Variants in RANBP2 observed in about 807,000 individuals in gnomAD.
RANBP2 encodes the protein E3 SUMO-protein ligase RanBP2.
A neutral mutation model predicts 303.6 loss-of-function variants in RANBP2; 57 were observed. That is an observed-to-expected ratio of 0.19 (90% CI 0.15 to 0.23). The LOEUF is 0.23. RANBP2 is among the 10% of genes least tolerant of loss of function. The pLI is 1.00. For missense variants in RANBP2, 3,138 were observed against 3,780.8 expected (o/e 0.83, Z 4.46); for synonymous variants, 1,167 against 1,301.5 (o/e 0.90, Z 2.23).
At chr2:108,923,216 T>C in the RANBP2 span, 1 of 775,724 alleles carries the variant, frequency 1.3e-6, no homozygotes, top group East Asian at 2.6e-5. Flanking sequence ...TTCATAGACC[T>C]GCCTGGACAG....
At chr2:108,783,333 TAAAAAA>T (rs71381992) in intron 28 of RANBP2, among the ~76,000 whole-genome samples, 616 of 41,404 alleles carry the variant, frequency 0.015, 7 homozygotes, top group African/African-American at 0.062. Flanking sequence ...AGCCTGTCAT[TAAAAAA>T]AAAAAAAAAA....
the RANBP2 span, among the ~76,000 whole-genome samples, chr2:108,817,308 T>C: frequency 6.6e-6 from 1 of 151,974 alleles, no homozygotes; most frequent in Admixed American, 6.6e-5. Context: ...TCTTTTTTTT[T>C]TTTGAGGCGG....
chr2:109,387,988 G>A, the RANBP2 span, among the ~76,000 whole-genome samples: 2 of 152,030 alleles, frequency 1.3e-5, no homozygotes, highest in African/African-American at 4.8e-5. Context: ...GGACTCCTCG[G>A]TCCCTGTTCA....
At chr2:108,916,176 CAA>C in the RANBP2 span, among the ~76,000 whole-genome samples, 3 of 152,264 alleles carry the variant, frequency 2.0e-5, no homozygotes, top group Non-Finnish European at 2.9e-5. Context: ...TAAGAGCAAA[CAA>C]GAGATTGAAA....
At chr2:109,028,826 G>A in the RANBP2 span, among the ~76,000 whole-genome samples, 1 of 152,220 alleles carries the variant, frequency 6.6e-6, no homozygotes, top group Admixed American at 6.5e-5. Flanking sequence ...GTCTTCCAGA[G>A]CAGCCTCACA....
the RANBP2 span, among the ~76,000 whole-genome samples, chr2:109,680,222 G>A: frequency 9.3e-5 from 14 of 150,234 alleles, no homozygotes; most frequent in African/African-American, 1.5e-4. Context: ...GCATGGTGGC[G>A]GGCACCTGTA....
At chr2:108,856,698 GT>G in the RANBP2 span, 5 of 1,144,600 alleles carry the variant, frequency 4.4e-6, no homozygotes, top group Non-Finnish European at 6.3e-6. Context: ...TGTCTTTTGA[GT>G]TTGTTAAAGT....
At chr2:108,941,165 C>G in the RANBP2 span, among the ~76,000 whole-genome samples, 1 of 152,206 alleles carries the variant, frequency 6.6e-6, no homozygotes, top group East Asian at 1.9e-4. Flanking sequence ...GGAATTAGGA[C>G]TTTAGTCCTT....
intron 20 of RANBP2, among the ~76,000 whole-genome samples, chr2:108,771,278 A>G (rs974924575): frequency 2.0e-5 from 3 of 151,610 alleles, no homozygotes; most frequent in Non-Finnish European, 4.4e-5. Context: ...GATTAGTTTC[A>G]TATGTATAGT....
At chr2:109,001,540 A>C in the RANBP2 span, among the ~76,000 whole-genome samples, 1 of 152,206 alleles carries the variant, frequency 6.6e-6, no homozygotes, top group Non-Finnish European at 1.5e-5. Flanking sequence ...TGCCTGTAAA[A>C]GTGGGCATAC....
chr2:109,350,378 C>G, the RANBP2 span, among the ~76,000 whole-genome samples: 2 of 152,122 alleles, frequency 1.3e-5, no homozygotes, highest in African/African-American at 2.4e-5. Flanking sequence ...ATCACAGATT[C>G]TTTGTTCAAG....
downstream of RANBP2, chr2:108,788,912 G>A (rs1193413673): frequency 1.2e-6 from 2 of 1,614,126 alleles, no homozygotes; most frequent in Non-Finnish European, 1.7e-6. Flanking sequence ...TCTGATGAAA[G>A]CAAGCATTGT....
At chr2:109,153,473 A>T in the RANBP2 span, among the ~76,000 whole-genome samples, 1 of 152,222 alleles carries the variant, frequency 6.6e-6, no homozygotes, top group Non-Finnish European at 1.5e-5. Context: ...AGGACATGAA[A>T]TAACTGAAAC....
the RANBP2 span, among the ~76,000 whole-genome samples, chr2:109,140,466 T>A: frequency 6.6e-6 from 1 of 152,112 alleles, no homozygotes; most frequent in Admixed American, 6.6e-5. Context: ...CTGCAGGCTC[T>A]GCCTCCCAGG....
At chr2:109,350,898 G>C in the RANBP2 span, among the ~76,000 whole-genome samples, 1 of 152,178 alleles carries the variant, frequency 6.6e-6, no homozygotes, top group East Asian at 1.9e-4. Context: ...AAGCTACAAT[G>C]GTATAACCTG....
the RANBP2 span, among the ~76,000 whole-genome samples, chr2:108,928,412 TG>T: frequency 6.6e-6 from 1 of 152,114 alleles, no homozygotes; most frequent in African/African-American, 2.4e-5. Flanking sequence ...CACTAAGCTG[TG>T]GTCACCTCCC....
chr2:109,165,450 T>G, the RANBP2 span, among the ~76,000 whole-genome samples: 1 of 151,942 alleles, frequency 6.6e-6, no homozygotes, highest in Non-Finnish European at 1.5e-5. Context: ...AAAGTTAAGT[T>G]TGGATGGAAG....
chr2:108,771,335 T>C (rs892882307), intron 20 of RANBP2, among the ~76,000 whole-genome samples: 30 of 152,186 alleles, frequency 2.0e-4, no homozygotes, highest in Admixed American at 1.6e-3. Context: ...TGCAAATGCA[T>C]GGATATTTTG....
the RANBP2 span, among the ~76,000 whole-genome samples, chr2:109,006,280 G>A: frequency 0.033 from 5,038 of 151,766 alleles, 303 homozygotes; most frequent in African/African-American, 0.11. Flanking sequence ...TGCAACCTCC[G>A]CCTCCTGGAT....
Sources: allele counts gnomAD v4.1 joint callset (sites outside exome capture counted in the v4.1 genomes callset), GRCh38; gene constraint gnomAD v4.1.1; transcripts MANE v1.5; gene names NCBI Gene and HGNC (gene_info 2026-07-23, HGNC 2026-07-21).